The following OPCML variants were observed in gnomAD, a reference collection of about 807,000 sequenced individuals.
OPCML encodes opioid binding protein/cell adhesion molecule like, also known as opioid-binding protein/cell adhesion molecule.
In OPCML, 13 loss-of-function variants were observed where a neutral mutation model predicts 37.8. That is an observed-to-expected ratio of 0.34 (90% CI 0.22 to 0.55). The LOEUF (loss-of-function observed/expected upper bound fraction) is 0.55, where lower values mean the gene tolerates loss of function less well. Among genes scored for constraint, OPCML ranks in the 20% least tolerant of loss-of-function variants. The probability of loss-of-function intolerance (pLI) is 0.91; values close to 1 mark genes in which losing one functional copy is unlikely to be tolerated. For synonymous variants in OPCML, 176 were observed against 168.8 expected (o/e 1.04, Z -0.33); for missense variants, 341 against 435.6 (o/e 0.78, Z 1.93).
At chr11:132,957,166 T>G (rs1945991896) in intron 1 of OPCML, among the ~76,000 whole-genome samples, 1 of 152,120 alleles carries the variant, frequency 6.6e-6, no homozygotes, top group South Asian at 2.1e-4. Context: ...ACAGTCCCTC[T>G]GGGTCATGAG....
chr11:132,856,506 C>A (rs146968382), intron 2 of OPCML, among the ~76,000 whole-genome samples: 3 of 152,242 alleles, frequency 2.0e-5, no homozygotes, highest in East Asian at 3.9e-4. Flanking sequence ...TTGGTCACAG[C>A]CAGCACCAGG....
intron 1 of OPCML, among the ~76,000 whole-genome samples, chr11:133,213,772 G>A (rs555685431): frequency 6.6e-6 from 1 of 152,142 alleles, no homozygotes; most frequent in Admixed American, 6.5e-5. Context: ...CATGTTTAAT[G>A]TTTAAATGCC....
intron 5 of OPCML, 86 bp from the exon 6 acceptor site, chr11:132,436,865 C>G: frequency 6.5e-7 from 1 of 1,533,228 alleles, no homozygotes; most frequent in Non-Finnish European, 8.8e-7. Flanking sequence ...AGGGCACATC[C>G]AGCCATTTGC....
At chr11:133,096,749 A>G (rs757641620) in intron 1 of OPCML, among the ~76,000 whole-genome samples, 2 of 152,050 alleles carry the variant, frequency 1.3e-5, no homozygotes, top group Non-Finnish European at 2.9e-5. Flanking sequence ...CAGGAAGCAG[A>G]TTTCCTGAAA....
At chr11:132,878,610 CTT>C (rs1241340427) in intron 2 of OPCML, among the ~76,000 whole-genome samples, 2 of 152,096 alleles carry the variant, frequency 1.3e-5, no homozygotes, top group African/African-American at 4.8e-5. Context: ...AAATCTCTCT[CTT>C]GTACATGTGT....
intron 1 of OPCML, among the ~76,000 whole-genome samples, chr11:133,017,376 G>A (rs886586910): frequency 1.3e-5 from 2 of 151,686 alleles, no homozygotes; most frequent in African/African-American, 4.8e-5. Flanking sequence ...AACCACCATC[G>A]AGACCCCTCT....
chr11:133,168,823 A>G (rs1950249373), intron 1 of OPCML, among the ~76,000 whole-genome samples: 1 of 152,216 alleles, frequency 6.6e-6, no homozygotes, highest in African/African-American at 2.4e-5. Context: ...CCAGAACCGC[A>G]TGAGAAAGTA....
chr11:132,630,428 C>A (rs982461174), intron 3 of OPCML, among the ~76,000 whole-genome samples: 8 of 152,056 alleles, frequency 5.3e-5, no homozygotes, highest in African/African-American at 1.7e-4. Context: ...CGTGGTGGCA[C>A]GTGCCTGTAA....
At chr11:132,913,049 C>A (rs1374182029) in intron 2 of OPCML, among the ~76,000 whole-genome samples, 1 of 152,218 alleles carries the variant, frequency 6.6e-6, no homozygotes, top group South Asian at 2.1e-4. Context: ...GAATGTTATA[C>A]ACAACCTGGC....
intron 1 of OPCML, among the ~76,000 whole-genome samples, chr11:133,230,934 G>A (rs1299554255): frequency 1.3e-5 from 2 of 152,222 alleles, no homozygotes; most frequent in Non-Finnish European, 2.9e-5. Flanking sequence ...GGGAGCCTGT[G>A]ATTCAGACAC....
chr11:133,431,937 A>G (rs1005826829), intron 1 of OPCML, among the ~76,000 whole-genome samples: 1 of 151,996 alleles, frequency 6.6e-6, no homozygotes, highest in Admixed American at 6.6e-5. Flanking sequence ...ATATATCAAA[A>G]TACGTACGGT....
At chr11:132,703,659 G>C (rs1395920170) in intron 2 of OPCML, among the ~76,000 whole-genome samples, 3 of 152,210 alleles carry the variant, frequency 2.0e-5, no homozygotes, top group Non-Finnish European at 2.9e-5. Flanking sequence ...AGCAGGCCTA[G>C]AGAGACTGAT....
intron 2 of OPCML, among the ~76,000 whole-genome samples, chr11:132,847,008 C>T (rs1375241569): frequency 6.6e-6 from 1 of 152,184 alleles, no homozygotes; most frequent in Non-Finnish European, 1.5e-5. Context: ...GATGTTCCCC[C>T]CAATGCCTGT....
intron 2 of OPCML, among the ~76,000 whole-genome samples, chr11:132,724,940 C>T (rs111400556): frequency 0.022 from 3,308 of 152,232 alleles, 117 homozygotes; most frequent in African/African-American, 0.076. Context: ...TGGGCAACTC[C>T]GTGGTTTTGC....
At chr11:133,313,973 C>T (rs975514496) in intron 1 of OPCML, among the ~76,000 whole-genome samples, 4 of 152,058 alleles carry the variant, frequency 2.6e-5, no homozygotes, top group South Asian at 2.1e-4. Flanking sequence ...CAGTGGCTCA[C>T]GCCTGTAATC....
At chr11:133,344,762 G>T (rs760262590) in intron 1 of OPCML, among the ~76,000 whole-genome samples, 2 of 152,172 alleles carry the variant, frequency 1.3e-5, no homozygotes, top group South Asian at 4.1e-4. Context: ...TGAAAGAGAA[G>T]ACCTAGCTAA....
At chr11:132,445,790 T>C (rs906023411) in intron 4 of OPCML, among the ~76,000 whole-genome samples, 2 of 152,184 alleles carry the variant, frequency 1.3e-5, no homozygotes, top group African/African-American at 4.8e-5. Flanking sequence ...TACACATGTA[T>C]GCTCCCAGGC....
At chr11:133,158,338 G>A (rs1467472757) in intron 1 of OPCML, among the ~76,000 whole-genome samples, 1 of 152,160 alleles carries the variant, frequency 6.6e-6, no homozygotes, top group Non-Finnish European at 1.5e-5. Context: ...ATCTCATCAA[G>A]TAAATGATAA....
chr11:133,502,299 C>T (rs1310209225), intron 1 of OPCML, among the ~76,000 whole-genome samples: 1 of 152,232 alleles, frequency 6.6e-6, no homozygotes. Flanking sequence ...CCCTCTCCTG[C>T]CCCCACCCTG....
Sources: gnomAD v4.1 joint callset for allele counts (sites outside exome capture counted in the v4.1 genomes callset) on GRCh38, gnomAD v4.1.1 for gene constraint, MANE v1.5 for transcripts, NCBI Gene and HGNC (gene_info 2026-07-23, HGNC 2026-07-21) for gene names.